The following CSRP1 variants were observed in gnomAD, a reference collection of about 807,000 sequenced individuals.
The protein encoded by CSRP1 is cysteine and glycine-rich protein 1.
In CSRP1, 16 loss-of-function variants were observed where a neutral mutation model predicts 25.4. The ratio of observed to expected loss-of-function variants is 0.63; its 90% CI spans 0.43 to 0.96. CSRP1 has a LOEUF of 0.96. Ranked by LOEUF, CSRP1 falls within the 40% of genes least tolerant of loss-of-function variation. The pLI is 0.00. For synonymous variants in CSRP1, 97 were observed against 95.3 expected (o/e 1.02, Z -0.10); for missense variants, 212 against 243.6 (o/e 0.87, Z 0.86).
Position 201,484,230 on chromosome 1 carries a change from C to T in CSRP1, c.*483G>A. 1 of 511,096 alleles carries T rather than the reference C, an allele frequency of 2.0e-6. No individual in the cohort carries two copies. The highest frequency in any genetic ancestry group is 3.5e-6 in the Non-Finnish European group (1 of 284,512). The allele number at this position is 511,096 out of a possible 1,614,324, so 31.7% of individuals were successfully genotyped here. A position where few individuals can be genotyped will look rare whatever the true frequency, so the allele number is the denominator to read the frequency against. ...GACTCCTCAGGCTTACTCTGAGGGACACCAGGAAGCTCAACCTCTTTCCCA... is the reference window on the plus strand; with the variant it reads ...GACTCCTCAGGCTTACTCTGAGGGATACCAGGAAGCTCAACCTCTTTCCCA... On this transcript the variant is annotated 3_prime_UTR_variant, in exon 6 of 6. Transcript: ENST00000340006.
intron 1 of CSRP1, 200 bp from the exon 2 acceptor site, chr1:201,496,504 C>T: frequency 1.7e-6 from 1 of 601,438 alleles, no homozygotes; most frequent in Non-Finnish European, 3.0e-6. Context: ...TTCCTCCCCC[C>T]AATCTAATCA....
intron 1 of CSRP1, among the ~76,000 whole-genome samples, chr1:201,499,810 C>G (rs547296031): frequency 6.6e-6 from 1 of 152,226 alleles, no homozygotes; most frequent in Non-Finnish European, 1.5e-5. Flanking sequence ...TTATTAGAGA[C>G]AGGGTTTCAC....
At chr1:201,488,165 C>A (rs1387111857) in intron 4 of CSRP1, 1 of 152,188 alleles carries the variant, frequency 6.6e-6, no homozygotes, top group Non-Finnish European at 1.5e-5. Flanking sequence ...ACCCCAGGGG[C>A]AAGAGTTCTG....
At chr1:201,488,093 C>G (rs916456314) in intron 4 of CSRP1, 1 of 152,224 alleles carries the variant, frequency 6.6e-6, no homozygotes, top group African/African-American at 2.4e-5. Context: ...GAATTCCTCT[C>G]TGGCCCCACA....
intron 1 of CSRP1, among the ~76,000 whole-genome samples, chr1:201,505,263 C>T (rs1664789867): frequency 6.6e-6 from 1 of 152,188 alleles, no homozygotes; most frequent in African/African-American, 2.4e-5. Context: ...ACTCATTCAT[C>T]AAATGTTTGC....
chr1:201,502,531 TG>T (rs1664701418), intron 1 of CSRP1, among the ~76,000 whole-genome samples: 1 of 152,118 alleles, frequency 6.6e-6, no homozygotes. Flanking sequence ...ATGGCTGCCA[TG>T]GAGATGGGGC....
At chr1:201,499,963 G>C (rs917576776) in intron 1 of CSRP1, among the ~76,000 whole-genome samples, 4 of 152,174 alleles carry the variant, frequency 2.6e-5, no homozygotes, top group African/African-American at 9.7e-5. Context: ...GATAAAGAAT[G>C]TATGCCCACC....
intron 2 of CSRP1, among the ~76,000 whole-genome samples, chr1:201,493,240 C>T (rs1174290766): frequency 6.6e-6 from 1 of 152,198 alleles, no homozygotes; most frequent in African/African-American, 2.4e-5. Flanking sequence ...GGGTGGAGGT[C>T]ATTCTCCCCA....
intron 1 of CSRP1, among the ~76,000 whole-genome samples, chr1:201,498,076 T>C (rs974072668): frequency 6.6e-6 from 1 of 151,484 alleles, no homozygotes; most frequent in African/African-American, 2.4e-5. Context: ...AGATATGATA[T>C]GTCAAAGGCA....
At chr1:201,496,091 C>G (rs1196700935) in intron 2 of CSRP1, 101 bp downstream of exon 2, 7 of 849,960 alleles carry the variant, frequency 8.2e-6, no homozygotes, top group Non-Finnish European at 1.4e-5. Flanking sequence ...TGTTTACATC[C>G]CATGGGATCA....
intron 1 of CSRP1, among the ~76,000 whole-genome samples, chr1:201,502,418 G>GGGGGC (rs1390947935): frequency 2.0e-4 from 31 of 152,352 alleles, no homozygotes; most frequent in African/African-American, 7.0e-4. Context: ...AGAGAGAGGA[G>GGGGGC]GGGGCTGGGC....
chr1:201,500,105 T>C (rs1664620950), intron 1 of CSRP1, among the ~76,000 whole-genome samples: 1 of 152,206 alleles, frequency 6.6e-6, no homozygotes, highest in Non-Finnish European at 1.5e-5. Flanking sequence ...GTCACCATGC[T>C]GTGGCCCTTG....
chr1:201,494,154 T>C (rs1320396583), intron 2 of CSRP1, among the ~76,000 whole-genome samples: 1 of 151,018 alleles, frequency 6.6e-6, no homozygotes, highest in East Asian at 2.0e-4. Context: ...GCAGCGCCCC[T>C]CACACCCTGC....
chr1:201,493,918 C>T (rs2102408975), intron 2 of CSRP1, among the ~76,000 whole-genome samples: 1 of 152,336 alleles, frequency 6.6e-6, no homozygotes, highest in African/African-American at 2.4e-5. Context: ...GTGCCAGGTG[C>T]TGTGTTAGGC....
At chr1:201,498,496 C>T (rs1305918969) in intron 1 of CSRP1, among the ~76,000 whole-genome samples, 2 of 152,180 alleles carry the variant, frequency 1.3e-5, no homozygotes, top group Non-Finnish European at 2.9e-5. Context: ...TGTTGAAAAC[C>T]GGGATGTGGC....
At chr1:201,499,902 A>C (rs116772527) in intron 1 of CSRP1, among the ~76,000 whole-genome samples, 1,656 of 152,286 alleles carry the variant, frequency 0.011, 20 homozygotes, top group African/African-American at 0.038. Context: ...GATTATAGGC[A>C]TGAGTCACTG....
intron 1 of CSRP1, among the ~76,000 whole-genome samples, chr1:201,505,476 T>C (rs1664799343): frequency 6.9e-6 from 1 of 145,850 alleles, no homozygotes; most frequent in South Asian, 2.2e-4. Flanking sequence ...AATTGCAGAG[T>C]TGATGGGCCT....
chr1:201,505,481 G>A (rs1664799515), intron 1 of CSRP1, among the ~76,000 whole-genome samples: 1 of 141,680 alleles, frequency 7.1e-6, no homozygotes, highest in African/African-American at 2.7e-5. Context: ...CAGAGTTGAT[G>A]GGCCTTCTCT....
At chr1:201,500,333 G>T (rs1228388098) in intron 1 of CSRP1, among the ~76,000 whole-genome samples, 1 of 152,216 alleles carries the variant, frequency 6.6e-6, no homozygotes, top group East Asian at 1.9e-4. Context: ...CTCTGGGGGA[G>T]ACCCACAGCT....
Sources: gnomAD v4.1 joint callset for allele counts (sites outside exome capture counted in the v4.1 genomes callset) on GRCh38, gnomAD v4.1.1 for gene constraint, MANE v1.5 for transcripts, NCBI Gene and HGNC (gene_info 2026-07-23, HGNC 2026-07-21) for gene names.